The following RABGAP1 variants were observed in gnomAD, a reference collection of about 807,000 sequenced individuals.
RABGAP1 encodes rab GTPase-activating protein 1.
Under a neutral mutation model 137.6 loss-of-function variants are expected in RABGAP1, and 23 were observed. The ratio of observed to expected loss-of-function variants is 0.17; its 90% confidence interval spans 0.12 to 0.24. The LOEUF (loss-of-function observed/expected upper bound fraction) is 0.24. Ranked by LOEUF, RABGAP1 falls within the 10% of genes least tolerant of loss-of-function variation. The pLI is 1.00. For missense variants in RABGAP1, 906 were observed against 1,275.8 expected, an observed-to-expected ratio of 0.71 and a Z score of 4.42; for synonymous variants, 451 against 450.7, an observed-to-expected ratio of 1.00 and a Z score of -0.01.
At chr9:122,960,732 A>G (rs1236455565) in intron 2 of RABGAP1, among the ~76,000 whole-genome samples, 1 of 152,256 alleles carries the variant, frequency 6.6e-6, no homozygotes, top group South Asian at 2.1e-4. Flanking sequence ...CAAGGTAGCT[A>G]TTATTAATAT....
intron 20 of RABGAP1, 78 bp downstream of exon 20, chr9:123,089,928 T>C: frequency 2.4e-6 from 3 of 1,256,494 alleles, no homozygotes; most frequent in Non-Finnish European, 2.3e-6. Flanking sequence ...CTAGCTTTAT[T>C]GAGTCCTTTT....
upstream of RABGAP1, chr9:122,939,735 T>C (rs1412121578): frequency 6.6e-6 from 1 of 152,226 alleles, no homozygotes; most frequent in African/African-American, 2.4e-5. Flanking sequence ...TTGAATATCT[T>C]GAAATGGATA....
At chr9:122,969,028 T>C (rs973206244) in intron 2 of RABGAP1, among the ~76,000 whole-genome samples, 3 of 152,214 alleles carry the variant, frequency 2.0e-5, no homozygotes, top group African/African-American at 7.2e-5. Context: ...CAGAAAGAAA[T>C]ACCCGTATAG....
At chr9:122,979,829 A>G (rs1406785847) in intron 2 of RABGAP1, among the ~76,000 whole-genome samples, 3 of 152,222 alleles carry the variant, frequency 2.0e-5, no homozygotes, top group African/African-American at 7.2e-5. Flanking sequence ...TTGCCTCTTC[A>G]CCAATACCAC....
At chr9:123,027,108 C>CTTTTTTTTT (rs71388345) in intron 13 of RABGAP1, among the ~76,000 whole-genome samples, 17 of 100,092 alleles carry the variant, frequency 1.7e-4, no homozygotes, top group African/African-American at 3.7e-4. Context: ...TCTTTCTTTT[C>CTTTTTTTTT]TTTTTTTTTT....
At chr9:123,003,216 T>G (rs960503363) in intron 10 of RABGAP1, among the ~76,000 whole-genome samples, 1 of 152,226 alleles carries the variant, frequency 6.6e-6, no homozygotes, top group Admixed American at 6.5e-5. Flanking sequence ...CTTCACTTTT[T>G]AAAATCTTAG....
chr9:122,987,865 A>C (rs1359865021), intron 4 of RABGAP1, among the ~76,000 whole-genome samples: 1 of 152,212 alleles, frequency 6.6e-6, no homozygotes, highest in Admixed American at 6.5e-5. Context: ...ATTGCCAACT[A>C]GCCATCTAGA....
chr9:123,074,247 T>A (rs182022981), intron 16 of RABGAP1, 38 bp from the exon 17 acceptor site: 1 of 1,611,704 alleles, frequency 6.2e-7, no homozygotes, highest in East Asian at 2.2e-5. Flanking sequence ...ATTGGACAGA[T>A]GCATATGTGC....
chr9:123,065,964 A>G (rs1274670222), intron 14 of RABGAP1, among the ~76,000 whole-genome samples: 1 of 152,240 alleles, frequency 6.6e-6, no homozygotes, highest in Non-Finnish European at 1.5e-5. Context: ...CAATTTCCGT[A>G]TTCCATTTTC....
intron 19 of RABGAP1, among the ~76,000 whole-genome samples, chr9:123,085,570 A>C (rs1174274625): frequency 6.6e-6 from 1 of 152,220 alleles, no homozygotes; most frequent in Non-Finnish European, 1.5e-5. Context: ...CCTCTGTTTG[A>C]AGCTGTGATT....
At chr9:123,043,734 A>G (rs936688854) in intron 13 of RABGAP1, among the ~76,000 whole-genome samples, 2 of 152,060 alleles carry the variant, frequency 1.3e-5, no homozygotes, top group African/African-American at 4.8e-5. Context: ...CCCAGAAAAT[A>G]GCAACTTAAG....
intron 2 of RABGAP1, among the ~76,000 whole-genome samples, chr9:122,981,775 G>A (rs1588209257): frequency 1.3e-5 from 2 of 152,354 alleles, no homozygotes; most frequent in East Asian, 1.9e-4. Context: ...CAGGCCGGGT[G>A]TAGTGGCTCA....
intron 13 of RABGAP1, among the ~76,000 whole-genome samples, chr9:123,059,045 C>T (rs2033861707): frequency 6.6e-6 from 1 of 152,182 alleles, no homozygotes; most frequent in Non-Finnish European, 1.5e-5. Flanking sequence ...GTTCAGTCTA[C>T]TTGTGAAGTG....
At chr9:122,995,168 TA>T (rs536317063) in intron 6 of RABGAP1, among the ~76,000 whole-genome samples, 134 of 152,288 alleles carry the variant, frequency 8.8e-4, no homozygotes, top group African/African-American at 2.9e-3. Flanking sequence ...TGATGTTTAT[TA>T]ACCTTATCAC....
intron 19 of RABGAP1, among the ~76,000 whole-genome samples, chr9:123,077,852 C>G (rs1031926558): frequency 1.3e-5 from 2 of 152,034 alleles, no homozygotes; most frequent in Non-Finnish European, 2.9e-5. Flanking sequence ...ACTTCTCATT[C>G]TGGTTATGTG....
chr9:123,044,513 CTGTT>C (rs2033112089), intron 13 of RABGAP1, among the ~76,000 whole-genome samples: 1 of 152,060 alleles, frequency 6.6e-6, no homozygotes, highest in Non-Finnish European at 1.5e-5. Flanking sequence ...CCATAGGTGT[CTGTT>C]TGGAACTTTT....
Position 123,010,503 on chromosome 9 carries a change from T to A in RABGAP1, c.1524T>A (p.Ser508=). ...GATCGCAAAGTTCAGTGATACCTTC[T>A]CCTCCAGAAGATGATGAAGAGGAAG... ...QSGSQSSVIP[S]PPEDDEEEDN... is the part of the protein sequence containing the mutation. Residue 508 remains serine, a synonymous_variant, in exon 11 of 26, where the codon TCT becomes TCA. Coordinates refer to ENST00000373647, the MANE Select transcript of RABGAP1 (RefSeq NM_012197.4). 1 of 1,612,808 alleles carries A rather than the reference T, an allele frequency of 6.2e-7. No homozygotes were observed. Among genetic ancestry groups the A allele is most frequent in the Non-Finnish European group, 8.5e-7 (1 of 1,179,708 alleles).
chr9:123,014,660 T>G, intron 11 of RABGAP1, among the ~76,000 whole-genome samples: 1 of 352 alleles, frequency 2.8e-3, no homozygotes, highest in Non-Finnish European at 0.05. Flanking sequence ...GAGGTTTAAT[T>G]TTTTTTTTTT....
intron 13 of RABGAP1, among the ~76,000 whole-genome samples, chr9:123,059,571 A>AAC (rs2033886946): frequency 6.6e-6 from 1 of 152,136 alleles, no homozygotes; most frequent in African/African-American, 2.4e-5. Flanking sequence ...AATAAAAATT[A>AAC]AAAAACAAAA....
Sources: allele counts gnomAD v4.1 joint callset (sites outside exome capture counted in the v4.1 genomes callset), GRCh38; gene constraint gnomAD v4.1.1; transcripts MANE v1.5; gene names NCBI Gene and HGNC (gene_info 2026-07-23, HGNC 2026-07-21).